Variants in RNF216 observed in about 807,000 individuals in gnomAD.
The protein encoded by RNF216 is ring finger protein 216.
A neutral mutation model predicts 110.8 loss-of-function variants in RNF216; 72 were observed. That is an observed-to-expected ratio of 0.65 (90% CI 0.54 to 0.79). The LOEUF is 0.79. RNF216 is among the 30% of genes least tolerant of loss of function. The probability of loss-of-function intolerance (pLI) is 0.00; values close to 1 mark genes in which losing one functional copy is unlikely to be tolerated. For synonymous variants in RNF216, 495 were observed against 407.5 expected, an observed-to-expected ratio of 1.21 and a Z score of -2.59; for missense variants, 1,342 against 1,141.2, an observed-to-expected ratio of 1.18 and a Z score of -2.54.
intron 2 of RNF216, among the ~76,000 whole-genome samples, chr7:5,754,659 C>T (rs564628385): frequency 6.6e-6 from 1 of 152,182 alleles, no homozygotes; most frequent in African/African-American, 2.4e-5. Flanking sequence ...CCCCTGCACC[C>T]GCAGGAAATT....
intron 14 of RNF216, among the ~76,000 whole-genome samples, chr7:5,645,584 T>C (rs1788001240): frequency 6.6e-6 from 1 of 152,030 alleles, no homozygotes; most frequent in Admixed American, 6.6e-5. Context: ...TTTCTGTTGG[T>C]TTCTTAATTT....
chr7:5,758,594 G>C (rs1562467783), intron 2 of RNF216, among the ~76,000 whole-genome samples: 1 of 152,204 alleles, frequency 6.6e-6, no homozygotes, highest in Middle Eastern at 3.2e-3. Context: ...GAGATGTGGA[G>C]TCAAAGGAGG....
Position 5,624,258 on chromosome 7 carries a change from T to G in RNF216, c.2383-133A>C. Reference sequence around the variant, plus strand: ...AAGCCTGCTGCTGGCCAGTGGGGCCTGGGCTGCACACCGTTCCTTCCTATT... The same window carrying G: ...AAGCCTGCTGCTGGCCAGTGGGGCCGGGGCTGCACACCGTTCCTTCCTATT... On this transcript the variant is annotated intron_variant, in intron 15 of 16. Transcript: ENST00000389902. This position sits in a 1 kb window ranked among gnomAD's most constrained non-coding sequence, Gnocchi z 4.4. The G allele has an allele frequency of 1.5e-6, 1 of 688,394 alleles. No homozygotes were observed. Among genetic ancestry groups the G allele is most frequent in the South Asian group, 1.8e-5 (1 of 55,810 alleles). The allele number at this position is 688,394 out of a possible 1,614,324, so 42.6% of individuals were successfully genotyped here.
rs114578673 is a variant in RNF216 at position 5,719,215 on chromosome 7, T to C, written c.1644+1818A>G. On this transcript the variant is annotated intron_variant, in intron 9 of 16. Coordinates refer to ENST00000389902, the MANE Select transcript of RNF216 (RefSeq NM_207111.4). ...GGACAGCATGGGGAAACCCAGGCTC[T>C]ACAAAAAAAGTTAGCCAGGTGTGGT... Among the ~76,000 whole-genome samples, 586 of 152,088 alleles carry C rather than the reference T, an allele frequency of 3.9e-3. 4 individuals carry two copies. The highest frequency in any genetic ancestry group is 0.014 in the African/African-American group (566 of 41,474).
rs550730971 is a variant in RNF216, at chr7:5,757,775, T to C, written c.67+3228A>G. On this transcript the variant is annotated intron_variant, in intron 2 of 16. Transcript: ENST00000389902. ...GCACAAGGGAATCTTTTTGGAGTGA[T>C]AGAAAATGTTCCATATCATAATTCA... 6.2e-4 allele frequency among the ~76,000 whole-genome samples: 95 copies of C among 152,312 alleles called. 1 individual carries two copies. Among genetic ancestry groups the C allele is most frequent in the Middle Eastern group, 3.4e-3 (1 of 294 alleles).
At chr7:5,763,531 G>C (rs1202876856) in intron 1 of RNF216, among the ~76,000 whole-genome samples, 2 of 152,074 alleles carry the variant, frequency 1.3e-5, no homozygotes, top group Non-Finnish European at 2.9e-5. Context: ...TTGGAAGGCT[G>C]AGGCAGGAGA....
intron 13 of RNF216, among the ~76,000 whole-genome samples, chr7:5,681,589 T>G (rs1355475741): frequency 6.6e-6 from 1 of 152,042 alleles, no homozygotes; most frequent in Non-Finnish European, 1.5e-5. Flanking sequence ...CCCTACCCAC[T>G]GACCACACTG....
intron 13 of RNF216, among the ~76,000 whole-genome samples, chr7:5,695,231 G>T (rs1242906537): frequency 1.3e-5 from 2 of 152,142 alleles, no homozygotes. Context: ...ATCTACAACT[G>T]CAAGTCAAGA....
At chr7:5,666,592 A>AT (rs1789542280) in intron 13 of RNF216, 1 of 152,176 alleles carries the variant, frequency 6.6e-6, no homozygotes, top group Non-Finnish European at 1.5e-5. Context: ...CATGAGGTTG[A>AT]TTCCCAAAGA....
intron 14 of RNF216, among the ~76,000 whole-genome samples, chr7:5,647,035 C>T (rs1417380887): frequency 6.6e-6 from 1 of 152,028 alleles, no homozygotes; most frequent in African/African-American, 2.4e-5. Context: ...TTGCCTCAGG[C>T]AGCTGCAGCT....
At chr7:5,645,029 G>C (rs897974965) in intron 14 of RNF216, among the ~76,000 whole-genome samples, 8 of 151,754 alleles carry the variant, frequency 5.3e-5, no homozygotes, top group African/African-American at 1.9e-4. Context: ...ATTGGCCAGG[G>C]TCATCTCGAA....
chr7:5,695,870 G>T (rs1184248896), intron 13 of RNF216, among the ~76,000 whole-genome samples: 1 of 152,218 alleles, frequency 6.6e-6, no homozygotes, highest in Non-Finnish European at 1.5e-5. Flanking sequence ...ACAAAACAAG[G>T]TATCAAAAGG....
At chr7:5,725,523 C>T in intron 7 of RNF216, 85 bp from the exon 8 acceptor site, 1 of 807,294 alleles carries the variant, frequency 1.2e-6, no homozygotes. Context: ...GCCATTTTAA[C>T]ACAGTTTCAG....
At chr7:5,626,067 T>C (rs1786684075) in intron 15 of RNF216, among the ~76,000 whole-genome samples, 1 of 152,206 alleles carries the variant, frequency 6.6e-6, no homozygotes, top group Non-Finnish European at 1.5e-5. Flanking sequence ...GTTCCCATCA[T>C]GCATTTCAAG....
intron 1 of RNF216, among the ~76,000 whole-genome samples, chr7:5,770,966 C>G (rs573884079): frequency 1.5e-4 from 23 of 152,260 alleles, no homozygotes; most frequent in African/African-American, 4.8e-4. Flanking sequence ...CACCACCACG[C>G]CCGGCTAATT....
chr7:5,738,473 C>T (rs1397605725), intron 5 of RNF216, among the ~76,000 whole-genome samples: 1 of 152,018 alleles, frequency 6.6e-6, no homozygotes, highest in Non-Finnish European at 1.5e-5. Context: ...CTTTGGGAGG[C>T]CGAGGCGGGT....
At chr7:5,720,967 A>T (rs1793381752) in intron 9 of RNF216, 66 bp downstream of exon 9, 1 of 1,510,640 alleles carries the variant, frequency 6.6e-7, no homozygotes, top group Non-Finnish European at 9.1e-7. Flanking sequence ...GTTTTGTACT[A>T]ACTAAACCCT....
At chr7:5,736,148 C>T (rs973417429) in intron 5 of RNF216, among the ~76,000 whole-genome samples, 32 of 152,108 alleles carry the variant, frequency 2.1e-4, no homozygotes, top group Non-Finnish European at 3.8e-4. Context: ...CCTCTCCCCA[C>T]AGTCTCCCTC....
intron 14 of RNF216, among the ~76,000 whole-genome samples, chr7:5,651,240 T>C (rs1788366073): frequency 6.6e-6 from 1 of 152,090 alleles, no homozygotes; most frequent in East Asian, 1.9e-4. Flanking sequence ...TTTTTTTTTT[T>C]TGAGTTGGAG....
Sources: gnomAD v4.1 joint callset for allele counts (sites outside exome capture counted in the v4.1 genomes callset) on GRCh38, gnomAD v4.1.1 for gene constraint, Gnocchi (gnomAD v3.1) non-coding constraint, MANE v1.5 for transcripts, NCBI Gene and HGNC (gene_info 2026-07-23, HGNC 2026-07-21) for gene names.